The following SV2A variants were observed in gnomAD, a reference collection of about 807,000 sequenced individuals.
The protein encoded by SV2A is solute carrier family 22 member B1.
Under a neutral mutation model 78.0 loss-of-function variants are expected in SV2A, and 25 were observed. The observed-to-expected ratio is 0.32, with a 90% CI of 0.23 to 0.45. The LOEUF (loss-of-function observed/expected upper bound fraction) is 0.45. Among genes scored for constraint, SV2A ranks in the 20% least tolerant of loss-of-function variants. The pLI is 1.00. For synonymous variants in SV2A, 355 were observed against 384.7 expected, an observed-to-expected ratio of 0.92 and a Z score of 0.90; for missense variants, 752 against 971.5, an observed-to-expected ratio of 0.77 and a Z score of 3.00.
Position 149,914,027 on chromosome 1 carries a change from G to T in SV2A, c.-187C>A. On this transcript the variant is annotated 5_prime_UTR_variant, in exon 2 of 13. Coordinates refer to ENST00000369146, the MANE Select transcript of SV2A (RefSeq NM_014849.5). ...GCCAATGAGTGCCTAGGAAGGAAAAGGAAGGAGAGGAGCTTTGACCTATAC... is the reference window on the plus strand; with the variant it reads ...GCCAATGAGTGCCTAGGAAGGAAAATGAAGGAGAGGAGCTTTGACCTATAC... 1.2e-6 allele frequency: 1 copy of T among 851,726 alleles called. No homozygotes were observed. The highest frequency in any genetic ancestry group is 1.7e-6 in the Non-Finnish European group (1 of 574,484). 52.8% of individuals were successfully genotyped at this position (851,726 alleles called of 1,614,324 possible).
At chr1:149,912,264 C>T (rs1437061437) in intron 2 of SV2A, among the ~76,000 whole-genome samples, 9 of 152,142 alleles carry the variant, frequency 5.9e-5, no homozygotes, top group African/African-American at 2.2e-4. Flanking sequence ...ACAGTGACAC[C>T]TTTACCCCTG....
At position 149,909,835 on chromosome 1, in the gene SV2A, A is replaced by G; in HGVS notation, c.1145T>C (p.Met382Thr). 1.2e-6 allele frequency: 2 copies of G among 1,613,978 alleles called. No individual in the cohort carries two copies. The highest frequency in any genetic ancestry group is 8.5e-7 in the Non-Finnish European group (1 of 1,180,000). The change falls in exon 6 of 13, where the codon ATG (methionine) becomes ACG (threonine). Residue 382 changes from methionine (M) to threonine (T), a missense_variant. Transcript: ENST00000369146. ...MVLKQVHDTN[M>T]RAKGHPERVF... ...TCGCTCAGGATGTCCTTTGGCTCGC[A>G]TGTTGGTATCATGGACCTGCTTCAG...
At chr1:149,909,731 T>G (rs1467467589) in intron 6 of SV2A, 70 bp downstream of exon 6, 2 of 1,554,240 alleles carry the variant, frequency 1.3e-6, no homozygotes, top group Non-Finnish European at 1.8e-6. Context: ...TGGGGGGTAC[T>G]CAGAGAGGGG....
rs782282105 is a variant in SV2A, at chr1:149,913,883, CTTCT to C, written c.-47_-44del. On this transcript the variant is annotated 5_prime_UTR_variant, in exon 2 of 13. Transcript: ENST00000369146. The stretch of plus-strand genomic sequence containing the variant: ...TTCACTGGGTCTTCTCCACCTCCTG[CTTCT>C]TTTTCAGCTTTTTGCTCAAGGACTT... 1 of 1,546,450 alleles carries C rather than the reference CTTCT, an allele frequency of 6.5e-7. No individual in the cohort carries two copies. Among genetic ancestry groups the C allele is most frequent in the Non-Finnish European group, 8.7e-7 (1 of 1,148,814 alleles).
In SV2A at chr1:149,910,564, C is replaced by T. The variant is rs1553763569; in HGVS notation, c.1089+6G>A. ...CACCCCACCCCATGCAGCTCAGCCC[C>T]ATCACCTCTAGGAAGAAACGGGGGC... On this transcript the variant is annotated splice_donor_region_variant and intron_variant, in intron 5 of 12. Coordinates refer to ENST00000369146, the MANE Select transcript of SV2A (RefSeq NM_014849.5). The surrounding 1 kb of genome is among the most constrained non-coding windows in gnomAD (Gnocchi z 4.2). The T allele has an allele frequency of 6.2e-7, 1 of 1,603,722 alleles. No individual in the cohort carries two copies. Among genetic ancestry groups the T allele is most frequent in the Non-Finnish European group, 8.5e-7 (1 of 1,175,296 alleles).
Position 149,909,489 on chromosome 1 carries a change from C to T in SV2A, c.1262G>A (p.Gly421Glu), listed in dbSNP as rs782215114. 1 of 1,614,030 alleles carries T rather than the reference C, an allele frequency of 6.2e-7. No individual in the cohort carries two copies. The highest frequency in any genetic ancestry group is 2.2e-5 in the East Asian group (1 of 44,874). ...CCCCCCTAGGCTCAAGGCCCGGACCCCCCAGCGCTGGTACCAGGTCCCTGT... is the reference window on the plus strand; with the variant it reads ...CCCCCCTAGGCTCAAGGCCCGGACCTCCCAGCGCTGGTACCAGGTCCCTGT... ...SDTGTWYQRW[G>E]VRALSLGGQV... Residue 421 changes from glycine (G) to glutamate (E), a missense_variant, in exon 7 of 13, where the codon GGG becomes GAG. This residue lies in a region of SV2A where 136 missense variants were observed against 132.3 expected (regional missense o/e 1.03). Coordinates refer to ENST00000369146, the MANE Select transcript of SV2A (RefSeq NM_014849.5).
At chr1:149,912,397 G>A (rs1342349548) in intron 2 of SV2A, among the ~76,000 whole-genome samples, 1 of 152,028 alleles carries the variant, frequency 6.6e-6, no homozygotes, top group Non-Finnish European at 1.5e-5. Context: ...GGGGAAAGGG[G>A]CTCCAATTCA....
chr1:149,909,402 T>C (rs1454455549), intron 7 of SV2A, 59 bp downstream of exon 7: 23 of 1,566,662 alleles, frequency 1.5e-5, no homozygotes, highest in Non-Finnish European at 1.9e-5. Context: ...TAGACTTCAG[T>C]CCTGCCTTCT....
chr1:149,903,627 A>C lies in SV2A; in HGVS notation c.*1387T>G, dbSNP rs2101606824. On this transcript the variant is annotated 3_prime_UTR_variant, in exon 13 of 13. Transcript: ENST00000369146. ...AGTGACCACAGGGTTGGGGCACTGGACGCAGCATGACGAAGGTGAATTTTG... is the reference window on the plus strand; with the variant it reads ...AGTGACCACAGGGTTGGGGCACTGGCCGCAGCATGACGAAGGTGAATTTTG... The C allele has an allele frequency of 6.6e-6, 1 of 152,360 alleles. No homozygotes were observed. The highest frequency in any genetic ancestry group is 1.9e-4 in the East Asian group (1 of 5,184). The allele number at this position is 152,360 out of a possible 1,614,324, so 9.4% of individuals were successfully genotyped here.
In SV2A at chr1:149,915,859, G is replaced by A. The variant is rs782441654; in HGVS notation, c.-347-1672C>T. ...ATCCCCCTAAAAATATCCTGCCTCC[G>A]GTGCTCCCACCCATCCAGGGCCTTC... On this transcript the variant is annotated intron_variant, in intron 1 of 12. Coordinates refer to ENST00000369146, the MANE Select transcript of SV2A (RefSeq NM_014849.5). 3.4e-4 allele frequency among the ~76,000 whole-genome samples: 51 copies of A among 151,688 alleles called. 1 individual carries two copies. The highest frequency in any genetic ancestry group is 1.3e-3 in the Admixed American group (20 of 15,236).
chr1:149,909,386 C>A, intron 7 of SV2A, 75 bp downstream of exon 7: 1 of 1,551,006 alleles, frequency 6.4e-7, no homozygotes, highest in Non-Finnish European at 8.9e-7. Context: ...CCATCACCCA[C>A]ACACATAGAC....
chr1:149,913,606 C>T lies in SV2A; in HGVS notation c.235G>A (p.Ala79Thr). The T allele has an allele frequency of 6.2e-7, 1 of 1,614,180 alleles. No homozygotes were observed. Among genetic ancestry groups the T allele is most frequent in the Non-Finnish European group, 8.5e-7 (1 of 1,180,038 alleles). The change falls in exon 2 of 13, where the codon GCA becomes ACA. Residue 79 changes from alanine (A) to threonine (T), a missense_variant. This residue lies in a region of SV2A where 291 missense variants were observed against 359.5 expected (regional missense o/e 0.81). Coordinates refer to ENST00000369146, the MANE Select transcript of SV2A (RefSeq NM_014849.5). The part of the protein sequence containing the change: ...EGTQDEEEGG[A>T]SSDATEGHDE... ...TGGCCCTCAGTAGCATCACTGGATG[C>T]ACCACCTTCCTCCTCATCCTGGGTC...
chr1:149,906,343 GCAGAGGAAACAAC>G (rs1553762753), intron 11 of SV2A, among the ~76,000 whole-genome samples: 1 of 152,120 alleles, frequency 6.6e-6, no homozygotes, highest in East Asian at 1.9e-4. Flanking sequence ...CCTCCATTTT[GCAGAGGAAACAAC>G]CAGGCTCATA....
intron 5 of SV2A, 32 bp from the exon 6 acceptor site, chr1:149,909,922 G>A (rs781885911): frequency 1.2e-6 from 2 of 1,607,672 alleles, no homozygotes; most frequent in Non-Finnish European, 1.7e-6. Flanking sequence ...CCACATCCAA[G>A]TCAGCCCCTA....
rs200452066 is a variant in SV2A at position 149,908,065 on chromosome 1, T to C, written c.1521A>G (p.Arg507=). ...ACTTGTCATTGAAGTACTGCCCGCC[T>C]CGGTGGATCTGATTCTCCAACGTGA... ...FNFTLENQIH[R]GGQYFNDKFI... Residue 507 remains arginine (R), a synonymous_variant, in exon 9 of 13, where the codon CGA becomes CGG. Coordinates refer to ENST00000369146, the MANE Select transcript of SV2A (RefSeq NM_014849.5). 1 of 1,614,176 alleles carries C rather than the reference T, an allele frequency of 6.2e-7. No individual in the cohort carries two copies. Among genetic ancestry groups the C allele is most frequent in the Non-Finnish European group, 8.5e-7 (1 of 1,180,016 alleles).
intron 8 of SV2A, 136 bp downstream of exon 8, chr1:149,909,056 G>A: frequency 3.9e-6 from 3 of 764,706 alleles, no homozygotes; most frequent in Non-Finnish European, 6.7e-6. Context: ...TAGAGGAGCT[G>A]GCTGCAGGAT....
Position 149,906,768 on chromosome 1 carries a change from C to A in SV2A, c.1767G>T (p.Gly589=). Residue 589 remains glycine (G), a synonymous_variant, in exon 11 of 13, where the codon GGG becomes GGT. Transcript: ENST00000369146. ...NKEGCPLDVT[G]TGEGAYMVYF... is the part of the protein sequence containing the mutation. ...ATACCATGTAGGCACCTTCGCCCGT[C>A]CCTGTCACGTCTAGCGGGCAGCCCT... 1 of 1,614,224 alleles carries A rather than the reference C, an allele frequency of 6.2e-7. No individual in the cohort carries two copies. Among genetic ancestry groups the A allele is most frequent in the Non-Finnish European group, 8.5e-7 (1 of 1,180,048 alleles).
In SV2A at chr1:149,909,539, A is replaced by G. The variant is rs1308179959; in HGVS notation, c.1212T>C (p.Asp404=). The change falls in exon 7 of 13, where the codon GAT becomes GAC. Residue 404 remains aspartate, a synonymous_variant. Coordinates refer to ENST00000369146, the MANE Select transcript of SV2A (RefSeq NM_014849.5). ...TGTCCGACTGGATCTCAATCAATTC[A>G]TCCTCCTGATGAATCGTCTTAATGT... ...VTHIKTIHQE[D]ELIEIQSDTG... 6.2e-7 allele frequency: 1 copy of G among 1,613,832 alleles called. No individual in the cohort carries two copies. Among genetic ancestry groups the G allele is most frequent in the Non-Finnish European group, 8.5e-7 (1 of 1,179,918 alleles).
chr1:149,912,997 C>T (rs1177883114), intron 2 of SV2A, among the ~76,000 whole-genome samples: 4 of 152,198 alleles, frequency 2.6e-5, no homozygotes, highest in African/African-American at 9.7e-5. Context: ...CCCAGTCCAG[C>T]TGCCCTCCCG....
Sources: allele counts gnomAD v4.1 joint callset (sites outside exome capture counted in the v4.1 genomes callset), GRCh38; gene constraint gnomAD v4.1.1; regional missense constraint gnomAD v4.1.1; non-coding constraint Gnocchi (gnomAD v3.1); transcripts MANE v1.5; gene names NCBI Gene and HGNC (gene_info 2026-07-23, HGNC 2026-07-21).